The following ANO4 variants were observed in gnomAD, a reference collection of about 807,000 sequenced individuals.
ANO4 encodes anoctamin-4.
A neutral mutation model predicts 141.9 loss-of-function variants in ANO4; 69 were observed. That is an observed-to-expected ratio of 0.49 (90% CI 0.40 to 0.59). The LOEUF (loss-of-function observed/expected upper bound fraction) is 0.59. Ranked by LOEUF, ANO4 falls within the 20% of genes least tolerant of loss-of-function variation. The probability of loss-of-function intolerance (pLI) is 0.00; values close to 1 mark genes in which losing one functional copy is unlikely to be tolerated. For synonymous variants in ANO4, 350 were observed against 394.3 expected (o/e 0.89, Z 1.33); for missense variants, 894 against 1,162.2 (o/e 0.77, Z 3.36).
Position 100,822,113 on chromosome 12 carries a change from C to T in ANO4, c.-141+27086C>T, listed in dbSNP as rs78298826. On this transcript the variant is annotated intron_variant, in intron 1 of 27. Coordinates refer to ENST00000392977, the MANE Select transcript of ANO4 (RefSeq NM_001286615.2). The stretch of plus-strand genomic sequence containing the variant: ...TTGGACAGAACAGAACAAATTAAAA[C>T]AAAATAAAAATAACAAGAAACAGCT... 3.5e-3 allele frequency among the ~76,000 whole-genome samples: 529 copies of T among 151,980 alleles called. 6 individuals carry two copies. In the East Asian group the frequency reaches 0.046, roughly 13 times the overall value.
At chr12:100,774,721 C>A (rs1177749989) in intron 3 of ANO4, among the ~76,000 whole-genome samples, 1 of 152,044 alleles carries the variant, frequency 6.6e-6, no homozygotes, top group Non-Finnish European at 1.5e-5. Context: ...CAAACAAAAA[C>A]GAGATGGCCA....
chr12:100,997,635 A>G lies in ANO4; in HGVS notation c.734+9965A>G, dbSNP rs146654984. ...ATTTGCAGGCCTCAGTGGCCTATGTATCTGTAATGGTTGACGAATAAACTA... is the reference window on the plus strand; with the variant it reads ...ATTTGCAGGCCTCAGTGGCCTATGTGTCTGTAATGGTTGACGAATAAACTA... On this transcript the variant is annotated intron_variant, in intron 8 of 27. Coordinates refer to ENST00000392977, the MANE Select transcript of ANO4 (RefSeq NM_001286615.2). Among the ~76,000 whole-genome samples the G allele has an allele frequency of 5.5e-4, 83 of 152,244 alleles. 2 individuals carry two copies. The East Asian group carries it at 0.011, about 21-fold the overall frequency.
At chr12:100,749,621 T>C (rs1050837270) in intron 3 of ANO4, among the ~76,000 whole-genome samples, 12 of 152,222 alleles carry the variant, frequency 7.9e-5, no homozygotes, top group African/African-American at 2.9e-4. Flanking sequence ...TGGCAAATGA[T>C]GAAGACAAAG....
intron 1 of ANO4, among the ~76,000 whole-genome samples, chr12:100,800,661 T>A (rs959005195): frequency 6.6e-6 from 1 of 152,238 alleles, no homozygotes; most frequent in Non-Finnish European, 1.5e-5. Flanking sequence ...GAAATGACAA[T>A]TCGTGTCTTT....
intron 7 of ANO4, 77 bp downstream of exon 7, chr12:100,974,966 A>G: frequency 6.5e-7 from 1 of 1,533,314 alleles, no homozygotes; most frequent in Non-Finnish European, 9.0e-7. Flanking sequence ...AGGAGCTATA[A>G]GCTGGGGAAG....
Position 100,973,863 on chromosome 12 carries a change from C to T in ANO4, c.558-982C>T, listed in dbSNP as rs553886914. ...TCCTGTGTTTCATCACCTTCCTTCT[C>T]CCCCGACCTGTACCTCTGGCAACCA... On this transcript the variant is annotated intron_variant, in intron 6 of 27. Coordinates refer to ENST00000392977, the MANE Select transcript of ANO4 (RefSeq NM_001286615.2). Among the ~76,000 whole-genome samples, 10 of 152,298 alleles carry T rather than the reference C, an allele frequency of 6.6e-5. 1 individual carries two copies. Among genetic ancestry groups the T allele is most frequent in the African/African-American group, 1.7e-4 (7 of 41,562 alleles).
rs1290578563 is a variant in ANO4, at chr12:100,785,985, TCA to T, written c.358+45883_358+45884del. 1.1e-4 allele frequency among the ~76,000 whole-genome samples: 17 copies of T among 152,314 alleles called. 1 individual carries two copies. The highest frequency in any genetic ancestry group is 1.8e-4 in the Non-Finnish European group (12 of 68,006). ...TTTATTTTACCAAAATATGAGCATG[TCA>T]CAGTCCTTTAAAATGCTCATTCTGC... On this transcript the variant is annotated intron_variant, in intron 3 of 29. Coordinates refer to the ANO4 transcript ENST00000644049.
chr12:100,810,847 C>A (rs1264079442), intron 1 of ANO4, among the ~76,000 whole-genome samples: 1 of 152,076 alleles, frequency 6.6e-6, no homozygotes, highest in Non-Finnish European at 1.5e-5. Flanking sequence ...GATGAGTACA[C>A]TATCATGAAC....
At chr12:100,852,331 T>C (rs2037919134) in intron 1 of ANO4, 1 of 152,140 alleles carries the variant, frequency 6.6e-6, no homozygotes, top group Non-Finnish European at 1.5e-5. Context: ...GCTGCAGAGG[T>C]TGAATCCAGT....
rs1299471784 is a variant in ANO4 at position 100,942,267 on chromosome 12, C to G, written c.298-110C>G. 2.3e-6 allele frequency: 3 copies of G among 1,290,896 alleles called. No individual in the cohort carries two copies. In the Admixed American group the frequency reaches 7.3e-5, roughly 31 times the overall value. 80.0% of individuals were successfully genotyped at this position (1,290,896 alleles called of 1,614,324 possible). On this transcript the variant is annotated intron_variant, in intron 4 of 27. Coordinates refer to ENST00000392977, the MANE Select transcript of ANO4 (RefSeq NM_001286615.2). ...GTGCTGGGATTACAGGCATGAGCCA[C>G]CGCACCCGAACTGAAAAAAGTTATT...
intron 2 of ANO4, among the ~76,000 whole-genome samples, chr12:100,736,628 T>A (rs2031630532): frequency 1.3e-5 from 2 of 152,212 alleles, no homozygotes; most frequent in Admixed American, 1.3e-4. Flanking sequence ...GAATCCCCAG[T>A]ACCTGTGATT....
chr12:101,015,212 A>G (rs679140), intron 8 of ANO4, among the ~76,000 whole-genome samples: 23,260 of 152,168 alleles, frequency 0.15, 2,107 homozygotes, highest in East Asian at 0.24. Flanking sequence ...CCTCCTGTCT[A>G]TCCAGCCACC....
chr12:101,062,819 G>C (rs571512309), intron 14 of ANO4, among the ~76,000 whole-genome samples: 20 of 152,348 alleles, frequency 1.3e-4, no homozygotes, highest in Non-Finnish European at 2.6e-4. Flanking sequence ...AGCTTGCTGG[G>C]CTCCGTAGGG....
intron 17 of ANO4, among the ~76,000 whole-genome samples, chr12:101,093,870 C>G (rs767120482): frequency 2.0e-5 from 3 of 152,126 alleles, no homozygotes; most frequent in Non-Finnish European, 2.9e-5. Flanking sequence ...CAGGATCTTA[C>G]CATCAGAAGC....
Position 100,987,669 on chromosome 12 carries a change from CA to C in ANO4, c.734del (p.His245ProfsTer27). ...TAPFSQQRIH[H>X]FIIHNKETFF... ...CCCTTTCAGCCAGCAAAGGATCCAT[CA>C]GTGAGTGTTCCATGTTAAAGCCCCA... On this transcript the variant is annotated frameshift_variant and splice_region_variant, in exon 8 of 28. Coordinates refer to ENST00000392977, the MANE Select transcript of ANO4 (RefSeq NM_001286615.2). LOFTEE classifies it high-confidence loss of function. The C allele has an allele frequency of 1.2e-6, 2 of 1,613,778 alleles. No homozygotes were observed. The highest frequency in any genetic ancestry group is 1.7e-6 in the Non-Finnish European group (2 of 1,179,864).
At chr12:100,794,541 C>G (rs2034181143), upstream of ANO4, 1 of 152,356 alleles carries the variant, frequency 6.6e-6, no homozygotes, top group African/African-American at 2.4e-5. Flanking sequence ...TCTTGTCACA[C>G]TGACACGGCC....
intron 3 of ANO4, among the ~76,000 whole-genome samples, chr12:100,770,869 A>G (rs543909993): frequency 7.2e-6 from 1 of 138,942 alleles, no homozygotes; most frequent in African/African-American, 2.7e-5. Flanking sequence ...ACTCTGTTTT[A>G]TACCTCTTAG....
intron 1 of ANO4, among the ~76,000 whole-genome samples, chr12:100,825,682 G>T (rs1431032472): frequency 1.3e-5 from 2 of 151,988 alleles, no homozygotes; most frequent in African/African-American, 4.8e-5. Flanking sequence ...TCCCAGCTTG[G>T]TGTGAAAATT....
intron 3 of ANO4, among the ~76,000 whole-genome samples, chr12:100,761,290 T>G (rs2032847576): frequency 6.6e-6 from 1 of 152,166 alleles, no homozygotes; most frequent in African/African-American, 2.4e-5. Flanking sequence ...CAGTGGATCC[T>G]TAGCATTAGG....
Sources: gnomAD v4.1 joint callset for allele counts (sites outside exome capture counted in the v4.1 genomes callset) on GRCh38, gnomAD v4.1.1 for gene constraint, MANE v1.5 for transcripts, NCBI Gene and HGNC (gene_info 2026-07-23, HGNC 2026-07-21) for gene names.